Variants in RELN observed in about 807,000 individuals in gnomAD.
RELN encodes reelin.
Under a neutral mutation model 427.6 loss-of-function variants are expected in RELN, and 108 were observed. The observed-to-expected ratio is 0.25, with a 90% CI of 0.22 to 0.30. RELN has a LOEUF of 0.30. RELN is among the 10% of genes least tolerant of loss of function. The pLI, the probability that RELN is intolerant of heterozygous loss-of-function variation, is 1.00. For synonymous variants in RELN, 1,524 were observed against 1,513.4 expected, an observed-to-expected ratio of 1.01 and a Z score of -0.16; for missense variants, 3,715 against 4,302.8, an observed-to-expected ratio of 0.86 and a Z score of 3.82.
intron 1 of RELN, among the ~76,000 whole-genome samples, chr7:103,965,174 T>G (rs1374171856): frequency 6.6e-6 from 1 of 152,222 alleles, no homozygotes; most frequent in African/African-American, 2.4e-5. Context: ...AAGGCCAAGA[T>G]TTTTCAAACT....
At chr7:103,668,169 G>A (rs1833313699) in intron 11 of RELN, among the ~76,000 whole-genome samples, 1 of 152,172 alleles carries the variant, frequency 6.6e-6, no homozygotes, top group African/African-American at 2.4e-5. Context: ...GGGGGAGGTT[G>A]CAGTGAGCTG....
At chr7:103,584,599 G>A (rs945701365) in intron 28 of RELN, among the ~76,000 whole-genome samples, 1 of 152,064 alleles carries the variant, frequency 6.6e-6, no homozygotes, top group African/African-American at 2.4e-5. Flanking sequence ...AAGACAGACA[G>A]CAACATAATA....
At chr7:103,509,682 G>A (rs2117058302) in intron 51 of RELN, among the ~76,000 whole-genome samples, 1 of 152,176 alleles carries the variant, frequency 6.6e-6, no homozygotes, top group South Asian at 2.1e-4. Flanking sequence ...AAGAGCTCCT[G>A]CACAGCAAAA....
intron 3 of RELN, among the ~76,000 whole-genome samples, chr7:103,825,142 A>G (rs549203791): frequency 9.9e-5 from 15 of 152,246 alleles, no homozygotes; most frequent in African/African-American, 3.6e-4. Context: ...AGTCTTCCAG[A>G]CTAGCTAATT....
At chr7:103,623,905 T>C (rs1344454941) in intron 20 of RELN, among the ~76,000 whole-genome samples, 1 of 152,194 alleles carries the variant, frequency 6.6e-6, no homozygotes, top group Non-Finnish European at 1.5e-5. Flanking sequence ...GGATTCCTGA[T>C]GGTCCTTATA....
chr7:103,475,303 C>T (rs1354800638), intron 64 of RELN, among the ~76,000 whole-genome samples: 3 of 151,922 alleles, frequency 2.0e-5, no homozygotes, highest in South Asian at 4.1e-4. Context: ...CACAACTAAA[C>T]TTTTGTTGGT....
At chr7:103,710,262 C>T (rs541067365) in intron 8 of RELN, among the ~76,000 whole-genome samples, 5 of 152,338 alleles carry the variant, frequency 3.3e-5, no homozygotes, top group African/African-American at 7.2e-5. Context: ...TCCTTCATCA[C>T]GTTGCCCCTC....
chr7:103,907,201 A>AG lies in RELN; in HGVS notation c.337+9873dup, dbSNP rs565514850. Among the ~76,000 whole-genome samples the AG allele has an allele frequency of 2.8e-4, 42 of 151,964 alleles. No homozygotes were observed. The South Asian group carries it at 3.3e-3, about 12-fold the overall frequency. ...GGGAGGCCGAGGCGGTTGGATCATGAGGTCAGGAGACTGAGACCATCCTGG... is the reference window on the plus strand; with the variant it reads ...GGGAGGCCGAGGCGGTTGGATCATGAGGGTCAGGAGACTGAGACCATCCTGG... On this transcript the variant is annotated intron_variant, in intron 2 of 64. Coordinates refer to ENST00000428762, the MANE Select transcript of RELN (RefSeq NM_005045.4).
At chr7:103,985,380 C>A (rs2116851660) in intron 1 of RELN, among the ~76,000 whole-genome samples, 1 of 152,260 alleles carries the variant, frequency 6.6e-6, no homozygotes, top group African/African-American at 2.4e-5. Flanking sequence ...AAATTCTAGT[C>A]CATTCAGAAA....
intron 10 of RELN, among the ~76,000 whole-genome samples, chr7:103,683,616 T>G (rs1337824224): frequency 1.3e-5 from 2 of 152,180 alleles, no homozygotes; most frequent in African/African-American, 4.8e-5. Context: ...GTGATGTTGG[T>G]GTAAATAGAC....
chr7:103,952,824 A>G (rs986397408), intron 1 of RELN, among the ~76,000 whole-genome samples: 1 of 152,218 alleles, frequency 6.6e-6, no homozygotes, highest in Non-Finnish European at 1.5e-5. Context: ...TACATCTCTC[A>G]AAACACTCAC....
At chr7:103,948,674 A>G (rs1166580226) in intron 1 of RELN, among the ~76,000 whole-genome samples, 1 of 152,160 alleles carries the variant, frequency 6.6e-6, no homozygotes, top group East Asian at 1.9e-4. Flanking sequence ...TCCATCTCAA[A>G]TAATAATAAA....
rs148334304 is a variant in RELN at position 103,739,335 on chromosome 7, T to A, written c.656+10091A>T. Among the ~76,000 whole-genome samples the A allele has an allele frequency of 8.3e-3, 1,272 of 152,338 alleles. 13 individuals carry two copies. Among genetic ancestry groups the A allele is most frequent in the African/African-American group, 0.029 (1,222 of 41,578 alleles). On this transcript the variant is annotated intron_variant, in intron 6 of 64. Coordinates refer to ENST00000428762, the MANE Select transcript of RELN (RefSeq NM_005045.4). ...AAAATACGACGTATTTGTGGTCCCT[T>A]ACATTCTTCTGAATTTAGTTATACG...
At chr7:103,526,603 C>T (rs967513650) in intron 46 of RELN, among the ~76,000 whole-genome samples, 1 of 152,156 alleles carries the variant, frequency 6.6e-6, no homozygotes, top group African/African-American at 2.4e-5. Flanking sequence ...AACATTTTCA[C>T]TAAGAACTGG....
rs77195725 is a variant in RELN at position 103,927,917 on chromosome 7, G to A, written c.227-10732C>T. Among the ~76,000 whole-genome samples, 295 of 152,212 alleles carry A rather than the reference G, an allele frequency of 1.9e-3. 5 individuals are homozygous for A. The East Asian group carries it at 0.047, about 24-fold the overall frequency. The stretch of plus-strand genomic sequence containing the variant: ...AGGGACTTTGCAAAGGACTAAGTAT[G>A]CTCTGCTGGCTTTAGTATTCCTCAT... On this transcript the variant is annotated intron_variant, in intron 1 of 64. Transcript: ENST00000428762.
At chr7:103,625,751 A>G (rs1832315758) in intron 20 of RELN, among the ~76,000 whole-genome samples, 1 of 152,158 alleles carries the variant, frequency 6.6e-6, no homozygotes, top group South Asian at 2.1e-4. Context: ...ACTCAGGCTC[A>G]AAGAGGCTAA....
chr7:103,741,864 G>C (rs113032172), intron 6 of RELN, among the ~76,000 whole-genome samples: 2,658 of 152,300 alleles, frequency 0.017, 70 homozygotes, highest in African/African-American at 0.061. Context: ...CCCAGCGTGA[G>C]CGACGCAGAA....
intron 8 of RELN, among the ~76,000 whole-genome samples, chr7:103,721,648 G>C (rs1790079544): frequency 6.6e-6 from 1 of 152,024 alleles, no homozygotes; most frequent in African/African-American, 2.4e-5. Context: ...CTCCACCCTT[G>C]AATAAAGTAC....
intron 4 of RELN, among the ~76,000 whole-genome samples, chr7:103,767,245 C>T (rs1354084872): frequency 3.3e-5 from 5 of 152,214 alleles, no homozygotes; most frequent in Non-Finnish European, 7.3e-5. Flanking sequence ...CCAAGGTTTT[C>T]AGGGAATTTA....
Sources: allele counts gnomAD v4.1 joint callset (sites outside exome capture counted in the v4.1 genomes callset), GRCh38; gene constraint gnomAD v4.1.1; transcripts MANE v1.5; gene names NCBI Gene and HGNC (gene_info 2026-07-23, HGNC 2026-07-21).